The following IKZF2 variants were observed in gnomAD, a reference collection of about 807,000 sequenced individuals.
IKZF2 encodes the protein zinc finger protein Helios.
IKZF2 carries 15 observed loss-of-function variants against 49.2 expected under a neutral mutation model. That is an observed-to-expected ratio of 0.30 (90% CI 0.20 to 0.47). IKZF2 has a LOEUF of 0.47. IKZF2 is among the 20% of genes least tolerant of loss of function. The pLI, the probability that IKZF2 is intolerant of heterozygous loss-of-function variation, is 1.00. For missense variants in IKZF2, 567 were observed against 664.6 expected (o/e 0.85, Z 1.61); for synonymous variants, 227 against 221.4 (o/e 1.03, Z -0.23).
intron 4 of IKZF2, among the ~76,000 whole-genome samples, chr2:213,134,569 T>G (rs2060587873): frequency 6.6e-6 from 1 of 152,242 alleles, no homozygotes; most frequent in African/African-American, 2.4e-5. Context: ...ACTTTTATCC[T>G]GCTTTAATTG....
chr2:213,021,667 C>A (rs1697234185), intron 7 of IKZF2: 3 of 441,050 alleles, frequency 6.8e-6, no homozygotes, highest in Admixed American at 2.8e-5. Flanking sequence ...ATTCAAATAA[C>A]CAATTCATTC....
At chr2:213,136,630 T>C (rs2125924761) in intron 4 of IKZF2, among the ~76,000 whole-genome samples, 1 of 152,242 alleles carries the variant, frequency 6.6e-6, no homozygotes, top group South Asian at 2.1e-4. Flanking sequence ...TCTGGCTCCA[T>C]ACTTTCTTTT....
chr2:213,148,739 A>G, intron 2 of IKZF2, 95 bp from the exon 3 acceptor site: 1 of 995,930 alleles, frequency 1.0e-6, no homozygotes. Context: ...CAGTTAGTCC[A>G]TGTTGCTGCT....
chr2:213,127,805 G>T (rs1041688587), intron 4 of IKZF2, among the ~76,000 whole-genome samples: 1 of 151,992 alleles, frequency 6.6e-6, no homozygotes, highest in Non-Finnish European at 1.5e-5. Context: ...AATTATAACT[G>T]CAATTTTTCC....
At chr2:213,145,572 C>T (rs541754705) in intron 4 of IKZF2, among the ~76,000 whole-genome samples, 8 of 151,962 alleles carry the variant, frequency 5.3e-5, no homozygotes, top group East Asian at 1.9e-4. Flanking sequence ...AATTAATAGA[C>T]GAGAGTTCCT....
intron 7 of IKZF2, 129 bp from the exon 8 acceptor site, chr2:213,014,063 T>C: frequency 1.4e-6 from 1 of 740,606 alleles, no homozygotes; most frequent in Non-Finnish European, 2.2e-6. Context: ...GTAGAAAGAA[T>C]ACCCTCTAGT....
chr2:213,023,662 G>A (rs1278645996), intron 6 of IKZF2, among the ~76,000 whole-genome samples: 1 of 152,080 alleles, frequency 6.6e-6, no homozygotes, highest in Non-Finnish European at 1.5e-5. Flanking sequence ...AAAAGTATCT[G>A]TTTACTATTA....
rs1325355452 is a variant in IKZF2 at position 213,013,686 on chromosome 2, T to C, written c.856+105A>G. ...ATAATGAAGAAAAGAGATGGGTATT[T>C]ATTTCATGAACTGAAACACACCATA... is the stretch of plus-strand genomic sequence containing the variant. On this transcript the variant is annotated intron_variant, in intron 8 of 8. Transcript: ENST00000434687. The C allele has an allele frequency of 5.8e-6, 6 of 1,043,008 alleles. No homozygotes were observed. In the Admixed American group the frequency reaches 9.3e-5, roughly 16 times the overall value. 64.6% of individuals were successfully genotyped at this position (1,043,008 alleles called of 1,614,324 possible).
chr2:213,069,555 T>A (rs116400799), intron 4 of IKZF2, among the ~76,000 whole-genome samples: 1,711 of 152,248 alleles, frequency 0.011, 28 homozygotes, highest in African/African-American at 0.039. Context: ...ATTACCGCAA[T>A]GAACTTTAAA....
chr2:213,150,455 C>CCCT (rs3217488), intron 1 of IKZF2: 53,816 of 185,436 alleles, frequency 0.29, 7,589 homozygotes, highest in East Asian at 0.4. Context: ...AAGAACACCC[C>CCCT]CCTCCTCCTC....
intron 4 of IKZF2, among the ~76,000 whole-genome samples, chr2:213,134,345 C>T (rs539074019): frequency 3.3e-5 from 5 of 152,298 alleles, no homozygotes; most frequent in African/African-American, 1.2e-4. Context: ...TCTCCTTTCC[C>T]ACTAAACTAA....
chr2:213,080,013 A>G (rs1703754278), intron 4 of IKZF2, among the ~76,000 whole-genome samples: 1 of 152,214 alleles, frequency 6.6e-6, no homozygotes, highest in Non-Finnish European at 1.5e-5. Flanking sequence ...ATATTTAGCA[A>G]GAAATTTGAC....
At chr2:213,118,850 T>C (rs1258294161) in intron 4 of IKZF2, among the ~76,000 whole-genome samples, 1 of 152,220 alleles carries the variant, frequency 6.6e-6, no homozygotes, top group East Asian at 1.9e-4. Context: ...TTCTTCTCCA[T>C]ACCCTCCAGC....
intron 4 of IKZF2, among the ~76,000 whole-genome samples, chr2:213,058,968 A>C (rs1701431869): frequency 1.3e-5 from 2 of 151,820 alleles, no homozygotes; most frequent in Non-Finnish European, 3.0e-5. Context: ...ATCTAGCATC[A>C]TTTGTTCATC....
At chr2:213,135,987 T>C (rs1202337038) in intron 4 of IKZF2, among the ~76,000 whole-genome samples, 1 of 147,554 alleles carries the variant, frequency 6.8e-6, no homozygotes, top group African/African-American at 2.5e-5. Flanking sequence ...GAGGCGGAGG[T>C]TGCAGTGAGC....
Position 213,119,835 on chromosome 2 carries a change from AAGG to A in IKZF2, c.139+27870_139+27872del, listed in dbSNP as rs553736300. 1.7e-4 allele frequency among the ~76,000 whole-genome samples: 26 copies of A among 152,316 alleles called. No individual in the cohort carries two copies. The South Asian group carries it at 5.0e-3, about 29-fold the overall frequency. On this transcript the variant is annotated intron_variant, in intron 4 of 8. Transcript: ENST00000434687. ...AAATTGGCCTTTACTAGCAATCTTG[AAGG>A]AGAAGAAAAATAATTAGTTAGTAGT...
chr2:213,107,018 T>C (rs1290189222), intron 4 of IKZF2, among the ~76,000 whole-genome samples: 2 of 151,934 alleles, frequency 1.3e-5, no homozygotes, highest in African/African-American at 4.8e-5. Flanking sequence ...ATGGGGAAAA[T>C]CATAAACCTA....
chr2:213,014,813 G>A (rs980737136), intron 7 of IKZF2: 16 of 152,056 alleles, frequency 1.1e-4, no homozygotes, highest in Non-Finnish European at 1.8e-4. Flanking sequence ...CAGACAAGGC[G>A]AATCAGTTGA....
chr2:213,059,116 T>G (rs1053794539), intron 4 of IKZF2, among the ~76,000 whole-genome samples: 2 of 151,812 alleles, frequency 1.3e-5, no homozygotes, highest in Non-Finnish European at 3.0e-5. Flanking sequence ...ATTTTAAAAT[T>G]ATGAGTGAAG....
Sources: allele counts gnomAD v4.1 joint callset (sites outside exome capture counted in the v4.1 genomes callset), GRCh38; gene constraint gnomAD v4.1.1; transcripts MANE v1.5; gene names NCBI Gene and HGNC (gene_info 2026-07-23, HGNC 2026-07-21).